PDE1A: variants seen among roughly 807,000 people sequenced by gnomAD.
The protein encoded by PDE1A is dual specificity calcium/calmodulin-dependent 3',5'-cyclic nucleotide phosphodiesterase 1A.
PDE1A carries 35 observed loss-of-function variants against 61.7 expected under a neutral mutation model. The observed-to-expected ratio is 0.57, with a 90% CI of 0.43 to 0.75. The LOEUF (loss-of-function observed/expected upper bound fraction) is 0.75. Among genes scored for constraint, PDE1A ranks in the 30% least tolerant of loss-of-function variants. The probability of loss-of-function intolerance (pLI) is 0.00; values close to 1 mark genes in which losing one functional copy is unlikely to be tolerated. For synonymous variants in PDE1A, 232 were observed against 213.2 expected (o/e 1.09, Z -0.77); for missense variants, 597 against 630.6 (o/e 0.95, Z 0.57).
intron 2 of PDE1A, among the ~76,000 whole-genome samples, chr2:182,507,052 T>G (rs773193706): frequency 3.5e-4 from 54 of 152,206 alleles, no homozygotes; most frequent in Non-Finnish European, 1.6e-4. Flanking sequence ...GTGAAAATAA[T>G]ATGTAGATGA....
the PDE1A span, among the ~76,000 whole-genome samples, chr2:182,599,794 T>A: frequency 6.6e-6 from 1 of 152,190 alleles, no homozygotes; most frequent in Non-Finnish European, 1.5e-5. Flanking sequence ...CAAGCACATA[T>A]CCCTGTGCTA....
intron 2 of PDE1A, among the ~76,000 whole-genome samples, chr2:182,521,773 T>G (rs1251012158): frequency 6.6e-6 from 1 of 152,154 alleles, no homozygotes; most frequent in African/African-American, 2.4e-5. Context: ...GCTGTTAATA[T>G]TTTTATCACG....
Position 182,186,974 on chromosome 2 carries a change from T to C in PDE1A, c.1208-386A>G, listed in dbSNP as rs1685262560. On this transcript the variant is annotated intron_variant, in intron 11 of 13. Coordinates refer to ENST00000351439, the Ensembl canonical transcript of PDE1A. Reference sequence around the variant, plus strand: ...TTTTTGAAAGCACATCATGTGCATTTTGGATTTTATTCTTTACTAACAAGA... The same window carrying C: ...TTTTTGAAAGCACATCATGTGCATTCTGGATTTTATTCTTTACTAACAAGA... Among the ~76,000 whole-genome samples the C allele has an allele frequency of 3.3e-5, 5 of 152,236 alleles. No individual in the cohort carries two copies. In the South Asian group the frequency reaches 1.0e-3, roughly 32 times the overall value.
chr2:182,659,510 T>G, the PDE1A span, among the ~76,000 whole-genome samples: 1 of 152,316 alleles, frequency 6.6e-6, no homozygotes, highest in Admixed American at 6.5e-5. Context: ...AGTTCAGAGT[T>G]GCACAAAATA....
At chr2:182,575,111 A>G in the PDE1A span, among the ~76,000 whole-genome samples, 1 of 152,022 alleles carries the variant, frequency 6.6e-6, no homozygotes, top group Non-Finnish European at 1.5e-5. Flanking sequence ...TTAAGCAAGC[A>G]CCTCAGCAGG....
intron 1 of PDE1A, among the ~76,000 whole-genome samples, chr2:182,364,466 TAAAAAAAAAAAA>T (rs201821721): frequency 0.037 from 1,339 of 35,892 alleles, 39 homozygotes; most frequent in Middle Eastern, 0.21. Flanking sequence ...AACACTTTGG[TAAAAAAAAAAAA>T]AAAAAAAAAA....
chr2:182,544,592 A>G, the PDE1A span, among the ~76,000 whole-genome samples: 117,677 of 151,606 alleles, frequency 0.78, 47,334 homozygotes, highest in East Asian at 1. Flanking sequence ...TGTCGTGGAG[A>G]TAGAATTTGT....
chr2:182,649,771 G>A, the PDE1A span, among the ~76,000 whole-genome samples: 2 of 152,048 alleles, frequency 1.3e-5, no homozygotes, highest in African/African-American at 2.4e-5. Flanking sequence ...CACCACGTCC[G>A]GCTAATTTTT....
At chr2:182,561,419 C>G in the PDE1A span, among the ~76,000 whole-genome samples, 187 of 152,170 alleles carry the variant, frequency 1.2e-3, 2 homozygotes, top group East Asian at 0.022. Flanking sequence ...ATCTATATCT[C>G]TGTTTTGGTA....
At chr2:182,589,099 G>A in the PDE1A span, among the ~76,000 whole-genome samples, 1 of 146,944 alleles carries the variant, frequency 6.8e-6, no homozygotes, top group African/African-American at 2.5e-5. Flanking sequence ...TAATTTTAAT[G>A]ATCTTTTGAC....
the PDE1A span, among the ~76,000 whole-genome samples, chr2:182,624,545 C>T: frequency 1.3e-5 from 2 of 152,148 alleles, no homozygotes; most frequent in East Asian, 1.9e-4. Flanking sequence ...CTTTTATGGC[C>T]AGCCCTTATA....
chr2:182,184,399 A>C (rs1685040040), intron 13 of PDE1A, among the ~76,000 whole-genome samples: 1 of 152,202 alleles, frequency 6.6e-6, no homozygotes, highest in Admixed American at 6.5e-5. Context: ...ACACTATCAG[A>C]AACTATGGAA....
chr2:182,353,910 T>C lies in PDE1A; in HGVS notation c.53+72668A>G, dbSNP rs147433943. 4.3e-3 allele frequency among the ~76,000 whole-genome samples: 659 copies of C among 152,286 alleles called. 4 individuals carry two copies. Among genetic ancestry groups the C allele is most frequent in the African/African-American group, 0.015 (613 of 41,580 alleles). The stretch of plus-strand genomic sequence containing the variant: ...AAGAAGTAGTATATAGAAACCTGCA[T>C]TTCAGAAACTCTTCTTGAGTGGCTA... On this transcript the variant is annotated intron_variant, in intron 1 of 13. Coordinates refer to ENST00000351439, the Ensembl canonical transcript of PDE1A.
At chr2:182,666,193 A>G in the PDE1A span, among the ~76,000 whole-genome samples, 1 of 152,222 alleles carries the variant, frequency 6.6e-6, no homozygotes, top group Non-Finnish European at 1.5e-5. Flanking sequence ...CACATCCTGC[A>G]CATGTAACCC....
chr2:182,292,715 A>G (rs905166491), intron 1 of PDE1A, among the ~76,000 whole-genome samples: 1 of 152,070 alleles, frequency 6.6e-6, no homozygotes, highest in Non-Finnish European at 1.5e-5. Context: ...TCAGGAGAAC[A>G]TAAATTAAGT....
At chr2:182,662,555 C>T in the PDE1A span, among the ~76,000 whole-genome samples, 8 of 152,058 alleles carry the variant, frequency 5.3e-5, no homozygotes, top group Non-Finnish European at 1.0e-4. Flanking sequence ...ACTGTCTGAT[C>T]TTTGACAAAG....
intron 1 of PDE1A, among the ~76,000 whole-genome samples, chr2:182,312,525 C>T (rs1026639722): frequency 1.3e-5 from 2 of 152,120 alleles, no homozygotes; most frequent in African/African-American, 4.8e-5. Flanking sequence ...TATACATAGA[C>T]ATCCAATTAT....
intron 1 of PDE1A, among the ~76,000 whole-genome samples, chr2:182,267,168 T>C (rs568318225): frequency 1.1e-3 from 167 of 152,252 alleles, no homozygotes; most frequent in Non-Finnish European, 2.1e-3. Context: ...TCTGCAACTA[T>C]AACTGATAAG....
chr2:182,691,136 A>G, the PDE1A span, among the ~76,000 whole-genome samples: 1 of 152,218 alleles, frequency 6.6e-6, no homozygotes, highest in African/African-American at 2.4e-5. Flanking sequence ...TGCCATCCCC[A>G]TCAAGCTACC....
Sources: allele counts gnomAD v4.1 joint callset (sites outside exome capture counted in the v4.1 genomes callset), GRCh38; gene constraint gnomAD v4.1.1; transcripts MANE v1.5; gene names NCBI Gene and HGNC (gene_info 2026-07-23, HGNC 2026-07-21).